Variants in FOXP2 observed in about 807,000 individuals in gnomAD.
FOXP2 encodes forkhead box P2.
A neutral mutation model predicts 115.8 loss-of-function variants in FOXP2; 12 were observed. The observed-to-expected ratio is 0.10, with a 90% CI of 0.07 to 0.17. FOXP2 has a LOEUF of 0.17. Among genes scored for constraint, FOXP2 ranks in the 10% least tolerant of loss-of-function variants. The probability of loss-of-function intolerance (pLI) is 1.00; values close to 1 mark genes in which losing one functional copy is unlikely to be tolerated. For synonymous variants in FOXP2, 328 were observed against 297.7 expected, an observed-to-expected ratio of 1.10 and a Z score of -1.05; for missense variants, 629 against 843.5, an observed-to-expected ratio of 0.75 and a Z score of 3.15.
At chr7:114,536,013 G>A (rs1799375968) in intron 3 of FOXP2, among the ~76,000 whole-genome samples, 1 of 151,526 alleles carries the variant, frequency 6.6e-6, no homozygotes, top group South Asian at 2.1e-4. Context: ...CGTAGGTGTA[G>A]TATTTCCATG....
chr7:114,546,294 G>A lies in FOXP2; in HGVS notation c.258+11588G>A, dbSNP rs150679660. On this transcript the variant is annotated intron_variant, in intron 3 of 16. Coordinates refer to ENST00000350908, the MANE Select transcript of FOXP2 (RefSeq NM_014491.4). The stretch of plus-strand genomic sequence containing the variant: ...TAAGCCCTTCTGATCTGTTAGTGTC[G>A]TATTCCTCTGCCCTAATCATGTAAA... Among the ~76,000 whole-genome samples the A allele has an allele frequency of 5.3e-5, 8 of 152,190 alleles. No individual in the cohort carries two copies. In the East Asian group the frequency reaches 1.2e-3, roughly 22 times the overall value.
chr7:114,269,677 T>C (rs1354081668), intron 1 of FOXP2, among the ~76,000 whole-genome samples: 2 of 152,214 alleles, frequency 1.3e-5, no homozygotes, highest in African/African-American at 4.8e-5. Context: ...ATGATTCTAC[T>C]ATTGTGAGTC....
chr7:114,224,343 A>G (rs79853584), intron 1 of FOXP2, among the ~76,000 whole-genome samples: 1,728 of 152,214 alleles, frequency 0.011, 36 homozygotes, highest in African/African-American at 0.039. Flanking sequence ...TGACTCCATA[A>G]ATCAGTATGG....
intron 2 of FOXP2, among the ~76,000 whole-genome samples, chr7:114,334,992 T>A (rs1354151767): frequency 6.8e-6 from 1 of 146,616 alleles, no homozygotes; most frequent in Admixed American, 6.8e-5. Flanking sequence ...CTTGTTTATC[T>A]TTCAAGATTT....
intron 3 of FOXP2, among the ~76,000 whole-genome samples, chr7:114,618,756 T>C (rs1023171877): frequency 1.3e-5 from 2 of 152,196 alleles, no homozygotes; most frequent in African/African-American, 4.8e-5. Context: ...ATCTTTTTAA[T>C]GTTTTTAGAT....
chr7:114,512,953 G>A (rs1256333489), intron 2 of FOXP2, among the ~76,000 whole-genome samples: 3 of 152,010 alleles, frequency 2.0e-5, no homozygotes, highest in Admixed American at 2.0e-4. Context: ...GTGGTGGCAC[G>A]CACCTGTAGT....
chr7:114,121,157 A>G (rs1259495827), intron 1 of FOXP2, among the ~76,000 whole-genome samples: 1 of 152,050 alleles, frequency 6.6e-6, no homozygotes, highest in Non-Finnish European at 1.5e-5. Flanking sequence ...TTGGGAGGCA[A>G]TTAAGTCATG....
intron 1 of FOXP2, among the ~76,000 whole-genome samples, chr7:114,169,628 A>G (rs1391567718): frequency 1.3e-5 from 2 of 152,072 alleles, no homozygotes; most frequent in East Asian, 3.9e-4. Flanking sequence ...ATGCTGAAAT[A>G]AGGCTTTGGA....
At chr7:114,283,153 T>A (rs923297420) in intron 1 of FOXP2, among the ~76,000 whole-genome samples, 4 of 152,204 alleles carry the variant, frequency 2.6e-5, no homozygotes, top group African/African-American at 9.6e-5. Flanking sequence ...TCAGCCTTCA[T>A]AGCCAATCAA....
intron 8 of FOXP2, among the ~76,000 whole-genome samples, chr7:114,651,159 A>T (rs1476649798): frequency 6.6e-6 from 1 of 152,024 alleles, no homozygotes; most frequent in Non-Finnish European, 1.5e-5. Context: ...TTAGACTATT[A>T]TATCATTCTA....
intron 2 of FOXP2, among the ~76,000 whole-genome samples, chr7:114,298,289 G>A (rs144416696): frequency 1.3e-5 from 2 of 152,100 alleles, no homozygotes; most frequent in East Asian, 1.9e-4. Context: ...CTCTCTGTTC[G>A]CCACTTGTTT....
At chr7:114,254,291 G>A (rs1795538443) in intron 1 of FOXP2, among the ~76,000 whole-genome samples, 2 of 152,064 alleles carry the variant, frequency 1.3e-5, no homozygotes, top group South Asian at 4.2e-4. Context: ...TCTTCTTTAG[G>A]AGTATCTTTG....
intron 2 of FOXP2, chr7:114,366,584 G>T (rs1252602023): frequency 6.6e-6 from 1 of 152,120 alleles, no homozygotes; most frequent in South Asian, 2.1e-4. Flanking sequence ...AAAACAAAAA[G>T]AATAATTTGC....
chr7:114,488,359 A>G (rs1314006026), intron 2 of FOXP2, among the ~76,000 whole-genome samples: 2 of 152,208 alleles, frequency 1.3e-5, no homozygotes, highest in Non-Finnish European at 2.9e-5. Flanking sequence ...AAACCATATC[A>G]GTGTCATATG....
At chr7:114,433,912 T>G (rs1794223070) in intron 2 of FOXP2, among the ~76,000 whole-genome samples, 1 of 151,992 alleles carries the variant, frequency 6.6e-6, no homozygotes, top group African/African-American at 2.4e-5. Context: ...CATATGCTAC[T>G]AATTTTCTAA....
At chr7:114,175,967 T>A (rs1793278379) in intron 1 of FOXP2, among the ~76,000 whole-genome samples, 1 of 152,220 alleles carries the variant, frequency 6.6e-6, no homozygotes, top group Non-Finnish European at 1.5e-5. Context: ...AAATAGTAAA[T>A]GTTGTGTCTT....
chr7:114,338,844 A>G (rs1791122291), intron 2 of FOXP2, among the ~76,000 whole-genome samples: 1 of 150,988 alleles, frequency 6.6e-6, no homozygotes, highest in Admixed American at 6.6e-5. Flanking sequence ...TTAAAAGGGT[A>G]TATTTGCCAT....
chr7:114,316,147 G>T (rs932817332), intron 2 of FOXP2, among the ~76,000 whole-genome samples: 2 of 152,138 alleles, frequency 1.3e-5, no homozygotes, highest in African/African-American at 2.4e-5. Context: ...TGCATGTCAG[G>T]CAACTCAAAT....
intron 1 of FOXP2, among the ~76,000 whole-genome samples, chr7:114,253,508 A>C (rs1197000053): frequency 1.3e-5 from 2 of 152,092 alleles, no homozygotes. Context: ...TAGGATAGTT[A>C]GCTCTTCTTG....
Sources: gnomAD v4.1 joint callset for allele counts (sites outside exome capture counted in the v4.1 genomes callset) on GRCh38, gnomAD v4.1.1 for gene constraint, MANE v1.5 for transcripts, NCBI Gene and HGNC (gene_info 2026-07-23, HGNC 2026-07-21) for gene names.